Variants in SERP1 observed in about 807,000 individuals in gnomAD.
SERP1 encodes the protein stress associated endoplasmic reticulum protein 1.
A neutral mutation model predicts 8.8 loss-of-function variants in SERP1; 6 were observed. That is an observed-to-expected ratio of 0.68 (90% CI 0.37 to 1.35). SERP1 has a LOEUF of 1.35. SERP1 is among the 40% of genes most tolerant of loss of function. SERP1 has a pLI of 0.02. For missense variants in SERP1, 52 were observed against 86.2 expected (o/e 0.60, Z 1.57); for synonymous variants, 36 against 28.7 (o/e 1.25, Z -0.81).
chr3:150,546,006 T>G (rs1722993424), intron 1 of SERP1, 46 bp downstream of exon 1: 2 of 1,608,580 alleles, frequency 1.2e-6, no homozygotes, highest in Non-Finnish European at 1.7e-6. Context: ...GGACCCGGAC[T>G]CAGCTCCGGC....
chr3:150,546,456 G>A lies in SERP1; in HGVS notation c.-321C>T, dbSNP rs1298100983. 1 of 555,192 alleles carries A rather than the reference G, an allele frequency of 1.8e-6. No individual in the cohort carries two copies. The highest frequency in any genetic ancestry group is 3.5e-5 in the Admixed American group (1 of 28,316). The allele number at this position is 555,192 out of a possible 1,614,324, so 34.4% of individuals were successfully genotyped here. A position where few individuals can be genotyped will look rare whatever the true frequency, so the allele number is the denominator to read the frequency against. On this transcript the variant is annotated 5_prime_UTR_variant, in exon 1 of 3. Coordinates refer to ENST00000239944, the MANE Select transcript of SERP1 (RefSeq NM_014445.4). ...GCGCGGAGTGAAAGAGGAAGGAAAC[G>A]CAACGCAACAACGGGAATGTGCAGC...
At position 150,544,518 on chromosome 3, in the gene SERP1, A is replaced by G. The variant is rs1201486553; in HGVS notation, c.161-20T>C. ...AAATTGCTGTAAAAAGAAAGAGCAAATATTAAAATAAGCTTTGAATAAAAT... is the reference window on the plus strand; with the variant it reads ...AAATTGCTGTAAAAAGAAAGAGCAAGTATTAAAATAAGCTTTGAATAAAAT... On this transcript the variant is annotated intron_variant, in intron 2 of 2. Coordinates refer to ENST00000239944, the MANE Select transcript of SERP1 (RefSeq NM_014445.4). 6.3e-7 allele frequency: 1 copy of G among 1,597,028 alleles called. No individual in the cohort carries two copies. The highest frequency in any genetic ancestry group is 1.3e-5 in the African/African-American group (1 of 74,510).
At chr3:150,545,876 G>A in intron 1 of SERP1, 98 bp from the exon 2 acceptor site, 1 of 1,384,730 alleles carries the variant, frequency 7.2e-7, no homozygotes, top group East Asian at 2.5e-5. Flanking sequence ...TCACCTCACA[G>A]GTCTCCCCTT....
Position 150,546,298 on chromosome 3 carries a change from C to T in SERP1, c.-163G>A, listed in dbSNP as rs1723015040. The T allele has an allele frequency of 1.3e-6, 1 of 748,808 alleles. No individual in the cohort carries two copies. The highest frequency in any genetic ancestry group is 1.8e-5 in the South Asian group (1 of 54,226). 46.4% of individuals were successfully genotyped at this position (748,808 alleles called of 1,614,324 possible). On this transcript the variant is annotated 5_prime_UTR_variant, in exon 1 of 3. Transcript: ENST00000239944. ...GGCCGCTGGGCCTGGGCGCCGCAAG[C>T]GCGAGGTCTGAGCACAAGCCGGGCG...
rs1009068542 is a variant in SERP1 at position 150,544,150 on chromosome 3, T to C, written c.*308A>G. The C allele has an allele frequency of 3.3e-6, 1 of 301,516 alleles. No individual in the cohort carries two copies. The highest frequency in any genetic ancestry group is 2.2e-5 in the African/African-American group (1 of 46,304). 18.7% of individuals were successfully genotyped at this position (301,516 alleles called of 1,614,324 possible). On this transcript the variant is annotated 3_prime_UTR_variant, in exon 3 of 3. Coordinates refer to ENST00000239944, the MANE Select transcript of SERP1 (RefSeq NM_014445.4). ...TATGCAGAGTTAGACTAATTGTTCA[T>C]ACTGTTTTAATAACCACATAAAAAA...
At position 150,544,828 on chromosome 3, in the gene SERP1, C is replaced by T. The variant is rs116134515; in HGVS notation, c.161-330G>A. Among the ~76,000 whole-genome samples the T allele has an allele frequency of 1.3e-3, 197 of 152,324 alleles. 1 individual carries two copies. Among genetic ancestry groups the T allele is most frequent in the Non-Finnish European group, 2.6e-3 (176 of 68,024 alleles). On this transcript the variant is annotated intron_variant, in intron 2 of 2. Coordinates refer to ENST00000239944, the MANE Select transcript of SERP1 (RefSeq NM_014445.4). ...TAGAATTATTTTGGTTTATAAGCAT[C>T]CTTTTAAGGCCTGGCCTGTAACACA...
At position 150,545,973 on chromosome 3, in the gene SERP1, G is replaced by C. The variant is rs928903012; in HGVS notation, c.84+79C>G. 1.9e-6 allele frequency: 3 copies of C among 1,575,196 alleles called. No individual in the cohort carries two copies. In the South Asian group the frequency reaches 3.3e-5, roughly 18 times the overall value. ...CCAGCCCACGGTCGGCCGGATCCGG[G>C]AGAAAACGCGACGCGGCCCCAGGGA... On this transcript the variant is annotated intron_variant, in intron 1 of 2. Transcript: ENST00000239944.
chr3:150,544,876 A>T (rs1343734001), intron 2 of SERP1, among the ~76,000 whole-genome samples: 1 of 152,200 alleles, frequency 6.6e-6, no homozygotes, highest in Non-Finnish European at 1.5e-5. Context: ...CATTCTCACA[A>T]AGCTGAAATT....
Position 150,546,059 on chromosome 3 carries a change from T to C in SERP1, c.77A>G (p.Lys26Arg). The C allele has an allele frequency of 6.2e-7, 1 of 1,613,660 alleles. No individual in the cohort carries two copies. The highest frequency in any genetic ancestry group is 2.2e-5 in the East Asian group (1 of 44,882). Residue 26 changes from lysine to arginine, a missense_variant, in exon 1 of 3, where the codon AAG becomes AGG. Transcript: ENST00000239944. Reference protein sequence around the residue: ...KNITQRGNVAKTSRNAPEEKA... With the variant: ...KNITQRGNVARTSRNAPEEKA... ...CGCCCGCTCTTTCCTTACCGAGGTCTTGGCGACGTTGCCGCGCTGGGTGAT... is the reference window on the plus strand; with the variant it reads ...CGCCCGCTCTTTCCTTACCGAGGTCCTGGCGACGTTGCCGCGCTGGGTGAT...
At position 150,544,390 on chromosome 3, in the gene SERP1, A is replaced by C. The variant is rs369865086; in HGVS notation, c.*68T>G. Reference sequence around the variant, plus strand: ...TTACTGAATTGTTTTCAACCAGGGTATCAAACATCAGGAATGAGTTCAAGT... The same window carrying C: ...TTACTGAATTGTTTTCAACCAGGGTCTCAAACATCAGGAATGAGTTCAAGT... On this transcript the variant is annotated 3_prime_UTR_variant, in exon 3 of 3. Transcript: ENST00000239944. The C allele has an allele frequency of 3.7e-4, 505 of 1,365,184 alleles. 4 individuals are homozygous for C. The highest frequency in any genetic ancestry group is 3.4e-4 in the Non-Finnish European group (323 of 954,722). The allele number at this position is 1,365,184 out of a possible 1,614,324, so 84.6% of individuals were successfully genotyped here. A position where few individuals can be genotyped will look rare whatever the true frequency, so the allele number is the denominator to read the frequency against.
At chr3:150,545,814 G>C (rs748409913) in intron 1 of SERP1, 36 bp from the exon 2 acceptor site, 1 of 1,572,114 alleles carries the variant, frequency 6.4e-7, no homozygotes, top group South Asian at 1.1e-5. Flanking sequence ...CAGATGCAGA[G>C]AAACCACTCG....
Position 150,544,293 on chromosome 3 carries a change from G to T in SERP1, c.*165C>A. On this transcript the variant is annotated 3_prime_UTR_variant, in exon 3 of 3. Transcript: ENST00000239944. ...CACTGTGGTATGGACTAGAAAACTTGGAATGACTCATGAAGAAACCTTGGA... is the reference window on the plus strand; with the variant it reads ...CACTGTGGTATGGACTAGAAAACTTTGAATGACTCATGAAGAAACCTTGGA... 1 of 646,902 alleles carries T rather than the reference G, an allele frequency of 1.5e-6. No individual in the cohort carries two copies. Among genetic ancestry groups the T allele is most frequent in the Non-Finnish European group, 2.7e-6 (1 of 364,728 alleles). The allele number at this position is 646,902 out of a possible 1,614,324, so 40.1% of individuals were successfully genotyped here. A position where few individuals can be genotyped will look rare whatever the true frequency, so the allele number is the denominator to read the frequency against.
At chr3:150,545,478 T>C (rs1264924118) in intron 2 of SERP1, 5 of 533,184 alleles carry the variant, frequency 9.4e-6, no homozygotes, top group East Asian at 3.0e-5. Context: ...GACCTCCTTT[T>C]TGATCTCCTG....
chr3:150,542,781 G>T lies in SERP1; in HGVS notation c.*1677C>A, dbSNP rs890927274. 6.6e-6 allele frequency: 1 copy of T among 152,552 alleles called. No individual in the cohort carries two copies. Among genetic ancestry groups the T allele is most frequent in the African/African-American group, 2.4e-5 (1 of 41,412 alleles). The allele number at this position is 152,552 out of a possible 1,614,324, so 9.4% of individuals were successfully genotyped here. On this transcript the variant is annotated 3_prime_UTR_variant, in exon 3 of 3. Transcript: ENST00000239944. ...GTAAACCAAGGAAAATTCTGATATG[G>T]AATGGTTTGACTAAAAGCAAAGAAT...
chr3:150,546,065 A>G lies in SERP1; in HGVS notation c.71T>C (p.Val24Ala), dbSNP rs755528762. 2 of 1,613,726 alleles carry G rather than the reference A, an allele frequency of 1.2e-6. No individual in the cohort carries two copies. Among genetic ancestry groups the G allele is most frequent in the Non-Finnish European group, 1.7e-6 (2 of 1,179,884 alleles). Residue 24 changes from valine to alanine, a missense_variant, in exon 1 of 3, where the codon GTC (valine) becomes GCC (alanine). Transcript: ENST00000239944. ...CTCTTTCCTTACCGAGGTCTTGGCG[A>G]CGTTGCCGCGCTGGGTGATGTTCTT... ...HSKNITQRGN[V>A]AKTSRNAPEE... is the part of the protein sequence containing the mutation.
At chr3:150,545,347 T>C (rs754369296) in intron 2 of SERP1, 34 of 391,960 alleles carry the variant, frequency 8.7e-5, no homozygotes, top group Non-Finnish European at 1.5e-4. Context: ...ACATCTATAG[T>C]ACATATTTAT....
Position 150,543,270 on chromosome 3 carries a change from T to C in SERP1, c.*1188A>G, listed in dbSNP as rs1001150410. On this transcript the variant is annotated 3_prime_UTR_variant, in exon 3 of 3. Coordinates refer to ENST00000239944, the MANE Select transcript of SERP1 (RefSeq NM_014445.4). Reference sequence around the variant, plus strand: ...CAATACTTGCAGTTTTCAACAGTACTAGAAAACCCAAAACCTGCCCTATGA... The same window carrying C: ...CAATACTTGCAGTTTTCAACAGTACCAGAAAACCCAAAACCTGCCCTATGA... The C allele has an allele frequency of 2.0e-5, 3 of 152,564 alleles. No homozygotes were observed. Among genetic ancestry groups the C allele is most frequent in the African/African-American group, 7.2e-5 (3 of 41,442 alleles). 9.5% of individuals were successfully genotyped at this position (152,564 alleles called of 1,614,324 possible).
rs1447559304 is a variant in SERP1, at chr3:150,542,727, AAAC to A, written c.*1728_*1730del. 5 of 152,652 alleles carry A rather than the reference AAAC, an allele frequency of 3.3e-5. No homozygotes were observed. Among genetic ancestry groups the A allele is most frequent in the Admixed American group, 1.3e-4 (2 of 15,292 alleles). The allele number at this position is 152,652 out of a possible 1,614,324, so 9.5% of individuals were successfully genotyped here. A position where few individuals can be genotyped will look rare whatever the true frequency, so the allele number is the denominator to read the frequency against. On this transcript the variant is annotated 3_prime_UTR_variant, in exon 3 of 3. Coordinates refer to ENST00000239944, the MANE Select transcript of SERP1 (RefSeq NM_014445.4). ...CAGAACATTGTACATTAAAAAACAC[AAAC>A]AACAACTTAAAGCCAAATATCTATA...
Position 150,544,482 on chromosome 3 carries a change from AATAATCT to A in SERP1, c.170_176del (p.Gln57LeufsTer23). On this transcript the variant is annotated frameshift_variant, in exon 3 of 3. Transcript: ENST00000239944. LOFTEE classifies it high-confidence loss of function. ...TTCACATGCCCATCCTGATACTTTG[AATAATCT>A]GGAAAATTGCTGTAAAAAGAAAGAG... 6.2e-7 allele frequency: 1 copy of A among 1,612,722 alleles called. No individual in the cohort carries two copies. The highest frequency in any genetic ancestry group is 8.5e-7 in the Non-Finnish European group (1 of 1,179,048).
Sources: allele counts gnomAD v4.1 joint callset (sites outside exome capture counted in the v4.1 genomes callset), GRCh38; gene constraint gnomAD v4.1.1; transcripts MANE v1.5; gene names NCBI Gene and HGNC (gene_info 2026-07-23, HGNC 2026-07-21).